Variants in CELF4 observed in about 807,000 individuals in gnomAD.
CELF4 encodes the protein CUGBP Elav-like family member 4, also known as CUG-BP- and ETR-3-like factor 4.
Under a neutral mutation model 59.9 loss-of-function variants are expected in CELF4, and 18 were observed. The ratio of observed to expected loss-of-function variants is 0.30; its 90% confidence interval spans 0.21 to 0.45. The LOEUF (loss-of-function observed/expected upper bound fraction) is 0.45. Ranked by LOEUF, CELF4 falls within the 20% of genes least tolerant of loss-of-function variation. The probability of loss-of-function intolerance (pLI) is 1.00; values close to 1 mark genes in which losing one functional copy is unlikely to be tolerated. For missense variants in CELF4, 456 were observed against 689.0 expected (o/e 0.66, Z 3.79); for synonymous variants, 261 against 267.1 (o/e 0.98, Z 0.22).
chr18:37,519,730 G>T (rs755943737), intron 1 of CELF4, among the ~76,000 whole-genome samples: 2 of 152,228 alleles, frequency 1.3e-5, no homozygotes, highest in African/African-American at 2.4e-5. Flanking sequence ...GCTCGCATAT[G>T]CTCTGCACCT....
At chr18:37,248,737 C>G (rs1337984078) in intron 12 of CELF4, among the ~76,000 whole-genome samples, 1 of 152,228 alleles carries the variant, frequency 6.6e-6, no homozygotes. Context: ...TTCTCCACCC[C>G]TCACCACTTC....
At chr18:37,271,258 T>C (rs1157997988) in intron 7 of CELF4, among the ~76,000 whole-genome samples, 1 of 142,648 alleles carries the variant, frequency 7.0e-6, no homozygotes, top group East Asian at 2.0e-4. Context: ...TCAGTCCTTT[T>C]TTTTTTTTTT....
intron 2 of CELF4, among the ~76,000 whole-genome samples, chr18:37,363,889 G>C (rs989684713): frequency 6.6e-6 from 1 of 152,100 alleles, no homozygotes; most frequent in Non-Finnish European, 1.5e-5. Flanking sequence ...GGCCTCCTCT[G>C]CCTGGTCCTT....
intron 2 of CELF4, among the ~76,000 whole-genome samples, chr18:37,362,117 C>G (rs1180429542): frequency 6.6e-6 from 1 of 152,028 alleles, no homozygotes; most frequent in African/African-American, 2.4e-5. Flanking sequence ...GGGGAGGAGG[C>G]CTGGCCACAT....
intron 1 of CELF4, among the ~76,000 whole-genome samples, chr18:37,505,234 G>C (rs1273018196): frequency 6.6e-6 from 1 of 152,220 alleles, no homozygotes; most frequent in African/African-American, 2.4e-5. Context: ...TTGACCCATG[G>C]GCCTGGTGAC....
intron 3 of CELF4, among the ~76,000 whole-genome samples, chr18:37,321,535 G>A (rs141801918): frequency 6.6e-6 from 1 of 152,198 alleles, no homozygotes; most frequent in Non-Finnish European, 1.5e-5. Context: ...TTAATGGAGG[G>A]GAGAAGAATA....
At chr18:37,388,348 C>T (rs534482966) in intron 2 of CELF4, among the ~76,000 whole-genome samples, 2 of 152,166 alleles carry the variant, frequency 1.3e-5, no homozygotes, top group Admixed American at 6.5e-5. Context: ...GACGCTTCCT[C>T]CTTTCCCAGC....
chr18:37,302,790 G>A (rs2096144908), intron 3 of CELF4, among the ~76,000 whole-genome samples: 1 of 152,232 alleles, frequency 6.6e-6, no homozygotes, highest in Non-Finnish European at 1.5e-5. Flanking sequence ...TCAGGAGGCA[G>A]AGGGTGGTGC....
chr18:37,564,739 C>A (rs1208464849), intron 1 of CELF4, among the ~76,000 whole-genome samples: 2 of 151,550 alleles, frequency 1.3e-5, no homozygotes, highest in Admixed American at 1.3e-4. Context: ...AAACATCCAA[C>A]CCCCCCACCC....
At chr18:37,439,378 C>A (rs1260723760) in intron 2 of CELF4, among the ~76,000 whole-genome samples, 1 of 152,004 alleles carries the variant, frequency 6.6e-6, no homozygotes, top group Non-Finnish European at 1.5e-5. Flanking sequence ...TTCTGGAGGG[C>A]TTTTTTCTGA....
At chr18:37,423,015 G>A (rs1010232683) in intron 2 of CELF4, among the ~76,000 whole-genome samples, 11 of 68,896 alleles carry the variant, frequency 1.6e-4, no homozygotes, top group Non-Finnish European at 3.6e-4. Context: ...AGCAGCTAGC[G>A]GTGCCTAAAC....
intron 3 of CELF4, among the ~76,000 whole-genome samples, chr18:37,311,617 G>A (rs1019898237): frequency 6.0e-5 from 9 of 150,764 alleles, no homozygotes; most frequent in Middle Eastern, 6.9e-3. Context: ...GTAAAACCCC[G>A]TCTCTACTAA....
intron 2 of CELF4, among the ~76,000 whole-genome samples, chr18:37,353,220 C>CAAAA (rs768540669): frequency 0.08 from 7,733 of 96,514 alleles, 562 homozygotes; most frequent in Middle Eastern, 0.13. Flanking sequence ...GACTCCGTCT[C>CAAAA]AAAAAAAAAA....
rs532231461 is a variant in CELF4, at chr18:37,345,436, G to C, written c.370-23555C>G. ...CTGGGCACAGCCAGCCTCTCTGTGA[G>C]CTTTGGGTGTCGGGGGTGGGGTGGG... On this transcript the variant is annotated intron_variant, in intron 2 of 12. Coordinates refer to ENST00000420428, the MANE Select transcript of CELF4 (RefSeq NM_020180.4). 5.8e-4 allele frequency among the ~76,000 whole-genome samples: 88 copies of C among 152,278 alleles called. 1 individual carries two copies. The highest frequency in any genetic ancestry group is 1.9e-3 in the African/African-American group (77 of 41,560).
intron 3 of CELF4, among the ~76,000 whole-genome samples, chr18:37,315,209 T>TGCTGAAC (rs2096825824): frequency 6.6e-6 from 1 of 152,174 alleles, no homozygotes; most frequent in Non-Finnish European, 1.5e-5. Flanking sequence ...CCCAAGGCCC[T>TGCTGAAC]GCTGAACAGA....
chr18:37,546,098 G>A (rs1235061848), intron 1 of CELF4, among the ~76,000 whole-genome samples: 13 of 152,124 alleles, frequency 8.5e-5, no homozygotes, highest in Non-Finnish European at 4.4e-5. Flanking sequence ...GAGAACTGCA[G>A]GCGTGCCCAC....
At chr18:37,343,453 G>T (rs758428838) in intron 2 of CELF4, among the ~76,000 whole-genome samples, 8 of 151,854 alleles carry the variant, frequency 5.3e-5, no homozygotes, top group African/African-American at 9.7e-5. Flanking sequence ...ATCTTAGAGG[G>T]CGCAGAGCTG....
At chr18:37,388,769 C>T (rs913449703) in intron 2 of CELF4, among the ~76,000 whole-genome samples, 9 of 152,162 alleles carry the variant, frequency 5.9e-5, no homozygotes, top group African/African-American at 1.7e-4. Flanking sequence ...GGATGCCTCC[C>T]GAGCATGCCC....
intron 2 of CELF4, among the ~76,000 whole-genome samples, chr18:37,332,142 A>ATCCCCAC (rs2154534273): frequency 6.6e-6 from 1 of 152,264 alleles, no homozygotes; most frequent in Admixed American, 6.5e-5. Flanking sequence ...CTGTGGGAAG[A>ATCCCCAC]CAGGAGCCTA....
Sources: allele counts gnomAD v4.1 joint callset (sites outside exome capture counted in the v4.1 genomes callset), GRCh38; gene constraint gnomAD v4.1.1; transcripts MANE v1.5; gene names NCBI Gene and HGNC (gene_info 2026-07-23, HGNC 2026-07-21).